Variants in NSD3 observed in about 807,000 individuals in gnomAD.
NSD3 encodes histone-lysine N-methyltransferase NSD3.
NSD3 carries 24 observed loss-of-function variants against 160.8 expected under a neutral mutation model. That is an observed-to-expected ratio of 0.15 (90% CI 0.11 to 0.21). NSD3 has a LOEUF of 0.21. NSD3 is among the 10% of genes least tolerant of loss of function. The pLI, the probability that NSD3 is intolerant of heterozygous loss-of-function variation, is 1.00. For missense variants in NSD3, 1,157 were observed against 1,735.9 expected, an observed-to-expected ratio of 0.67 and a Z score of 5.93; for synonymous variants, 520 against 600.0, an observed-to-expected ratio of 0.87 and a Z score of 1.95.
chr8:38,344,446 A>T lies in NSD3; in HGVS notation c.675+3051T>A, dbSNP rs147916351. Among the ~76,000 whole-genome samples the T allele has an allele frequency of 2.1e-3, 318 of 152,036 alleles. 2 individuals carry two copies. Among genetic ancestry groups the T allele is most frequent in the African/African-American group, 7.2e-3 (300 of 41,464 alleles). On this transcript the variant is annotated intron_variant, in intron 2 of 23. Coordinates refer to ENST00000317025, the MANE Select transcript of NSD3 (RefSeq NM_023034.2). ...ACCACCACGCCCGGCTAATTTTTAA[A>T]TATTTTTAGTAGAGATGGGGTTTCA...
At chr8:38,378,200 G>A (rs1659824557) in intron 1 of NSD3, among the ~76,000 whole-genome samples, 1 of 151,344 alleles carries the variant, frequency 6.6e-6, no homozygotes, top group East Asian at 1.9e-4. Flanking sequence ...ACAAACAAAC[G>A]AACAAACAAA....
intron 5 of NSD3, among the ~76,000 whole-genome samples, chr8:38,331,125 C>T (rs1241763484): frequency 6.6e-6 from 1 of 151,800 alleles, no homozygotes; most frequent in East Asian, 1.9e-4. Flanking sequence ...AGTAAAAATC[C>T]CTGGCAAAAA....
intron 1 of NSD3, among the ~76,000 whole-genome samples, chr8:38,377,509 G>A (rs542830791): frequency 2.0e-5 from 3 of 151,956 alleles, no homozygotes; most frequent in East Asian, 3.9e-4. Flanking sequence ...CACCACACCT[G>A]GCTAATTTTT....
rs548728265 is a variant in NSD3 at position 38,317,143 on chromosome 8, A to G, written c.1856-1101T>C. The G allele has an allele frequency of 7.5e-6, 8 of 1,062,962 alleles. No individual in the cohort carries two copies. The East Asian group carries it at 3.6e-4, about 47-fold the overall frequency. 65.8% of individuals were successfully genotyped at this position (1,062,962 alleles called of 1,614,324 possible). ...GAAGATCCGCAACAGGCTGAGTGAGAGTAGCACTTGGAACATAGCCACGTT... is the reference window on the plus strand; with the variant it reads ...GAAGATCCGCAACAGGCTGAGTGAGGGTAGCACTTGGAACATAGCCACGTT... On this transcript the variant is annotated intron_variant, in intron 9 of 23. Transcript: ENST00000317025. The surrounding 1 kb of genome is among the most constrained non-coding windows in gnomAD (Gnocchi z 5.3).
chr8:38,276,221 C>A (rs1808599233), intron 23 of NSD3, 75 bp downstream of exon 23: 2 of 1,478,778 alleles, frequency 1.4e-6, no homozygotes, highest in Non-Finnish European at 9.3e-7. Context: ...TATCCCATGG[C>A]ATGGAATATA....
intron 14 of NSD3, among the ~76,000 whole-genome samples, chr8:38,301,870 A>G (rs1391063312): frequency 2.0e-5 from 3 of 152,236 alleles, no homozygotes; most frequent in Non-Finnish European, 2.9e-5. Flanking sequence ...TTTACTGTTA[A>G]AATGAAAAGA....
chr8:38,352,429 A>C (rs1179815537), intron 1 of NSD3, among the ~76,000 whole-genome samples: 1 of 152,158 alleles, frequency 6.6e-6, no homozygotes, highest in Non-Finnish European at 1.5e-5. Flanking sequence ...GGCACTTTAC[A>C]CATCAGCTCA....
intron 12 of NSD3, among the ~76,000 whole-genome samples, chr8:38,307,535 A>G (rs1809438005): frequency 6.6e-6 from 1 of 152,228 alleles, no homozygotes; most frequent in Admixed American, 6.5e-5. Context: ...GTAATTGCAA[A>G]CAAGTGAAAG....
rs564113190 is a variant in NSD3 at position 38,292,927 on chromosome 8, G to A, written c.2916-2250C>T. On this transcript the variant is annotated intron_variant, in intron 16 of 23. Coordinates refer to ENST00000317025, the MANE Select transcript of NSD3 (RefSeq NM_023034.2). The stretch of plus-strand genomic sequence containing the variant: ...GCGGAGGTTGCAGTGAGCCAAGATC[G>A]CGCCACTGCACTCCAGCCTGGGCGA... Among the ~76,000 whole-genome samples the A allele has an allele frequency of 6.7e-4, 102 of 151,356 alleles. No individual in the cohort carries two copies. In the South Asian group the frequency reaches 0.02, roughly 29 times the overall value.
rs576123396 is a variant in NSD3, at chr8:38,376,332, T to C, written c.-45+5467A>G. Among the ~76,000 whole-genome samples, 3 of 152,294 alleles carry C rather than the reference T, an allele frequency of 2.0e-5. No homozygotes were observed. The East Asian group carries it at 5.8e-4, about 29-fold the overall frequency. ...AAAATATGAAAAAATACAAGATCTC[T>C]TGCCTCACTGCAGCTTACTCCCCTT... On this transcript the variant is annotated intron_variant, in intron 1 of 23. Transcript: ENST00000317025.
chr8:38,298,284 A>G (rs1186104510), intron 15 of NSD3, among the ~76,000 whole-genome samples: 1 of 152,260 alleles, frequency 6.6e-6, no homozygotes, highest in Non-Finnish European at 1.5e-5. Flanking sequence ...GGAGTAAGTC[A>G]AACCTATGTT....
intron 1 of NSD3, among the ~76,000 whole-genome samples, chr8:38,352,270 G>A (rs1810721637): frequency 6.6e-6 from 1 of 151,996 alleles, no homozygotes; most frequent in Non-Finnish European, 1.5e-5. Context: ...TCTGCTGTTA[G>A]CAAATGGAAA....
Position 38,276,274 on chromosome 8 carries a change from G to A in NSD3, c.4072+22C>T, listed in dbSNP as rs757926029. On this transcript the variant is annotated intron_variant, in intron 23 of 23. Coordinates refer to ENST00000317025, the MANE Select transcript of NSD3 (RefSeq NM_023034.2). ...TTGGCAAAGACACAAATTAGGGAAA[G>A]GGTCCTGAAGGTCCAGCTTACCATA... The A allele has an allele frequency of 5.0e-6, 8 of 1,611,580 alleles. No individual in the cohort carries two copies. In the African/African-American group the frequency reaches 9.3e-5, roughly 19 times the overall value.
At chr8:38,338,735 A>C (rs1002118626) in intron 2 of NSD3, 128 bp from the exon 3 acceptor site, 3 of 738,230 alleles carry the variant, frequency 4.1e-6, no homozygotes, top group Non-Finnish European at 4.7e-6. Flanking sequence ...TTATTAACTG[A>C]ACAATGTAAG....
At chr8:38,359,289 T>C (rs1585921488) in intron 1 of NSD3, among the ~76,000 whole-genome samples, 1 of 152,180 alleles carries the variant, frequency 6.6e-6, no homozygotes, top group Non-Finnish European at 1.5e-5. Context: ...TACATACATA[T>C]TTTTAAAGGA....
intron 2 of NSD3, among the ~76,000 whole-genome samples, chr8:38,345,934 C>A (rs1467110682): frequency 6.6e-6 from 1 of 151,778 alleles, no homozygotes; most frequent in East Asian, 1.9e-4. Flanking sequence ...AAAATAAAAT[C>A]TAAACATTCT....
Position 38,276,560 on chromosome 8 carries a change from C to T in NSD3, c.3868-60G>A, listed in dbSNP as rs974310130. The T allele has an allele frequency of 3.2e-6, 5 of 1,570,524 alleles. No individual in the cohort carries two copies. The African/African-American group carries it at 5.4e-5, about 17-fold the overall frequency. On this transcript the variant is annotated intron_variant, in intron 22 of 23. Transcript: ENST00000317025. ...CACAGACAGTGCATGAAGCTGGACA[C>T]AGGAAAACCCTGCAACCTTGCATTC...
chr8:38,367,584 T>C (rs1811132992), intron 1 of NSD3, among the ~76,000 whole-genome samples: 1 of 152,006 alleles, frequency 6.6e-6, no homozygotes, highest in South Asian at 2.1e-4. Flanking sequence ...TGGTGGTGCA[T>C]GCCTGTGGTC....
At chr8:38,358,214 G>C (rs1268685668) in intron 1 of NSD3, among the ~76,000 whole-genome samples, 1 of 152,036 alleles carries the variant, frequency 6.6e-6, no homozygotes, top group African/African-American at 2.4e-5. Flanking sequence ...AGTTGTTCTA[G>C]TAAACATAAT....
Sources: gnomAD v4.1 joint callset for allele counts (sites outside exome capture counted in the v4.1 genomes callset) on GRCh38, gnomAD v4.1.1 for gene constraint, Gnocchi (gnomAD v3.1) non-coding constraint, MANE v1.5 for transcripts, NCBI Gene and HGNC (gene_info 2026-07-23, HGNC 2026-07-21) for gene names.